The following SBNO1 variants were observed in gnomAD, a reference collection of about 807,000 sequenced individuals.
SBNO1 encodes strawberry notch homolog 1, also known as protein strawberry notch homolog 1.
In SBNO1, 23 loss-of-function variants were observed where a neutral mutation model predicts 173.6. That is an observed-to-expected ratio of 0.13 (90% CI 0.10 to 0.19). The LOEUF (loss-of-function observed/expected upper bound fraction) is 0.19, where lower values mean the gene tolerates loss of function less well. SBNO1 is among the 10% of genes least tolerant of loss of function. The pLI is 1.00. For synonymous variants in SBNO1, 632 were observed against 571.5 expected (o/e 1.11, Z -1.51); for missense variants, 1,238 against 1,671.2 (o/e 0.74, Z 4.52).
rs760653627 is a variant in SBNO1, at chr12:123,314,906, AT to A, written c.3120+466del. On this transcript the variant is annotated intron_variant, in intron 23 of 31. Coordinates refer to ENST00000602398, the MANE Select transcript of SBNO1 (RefSeq NM_001167856.3). Reference sequence around the variant, plus strand: ...CAACTGATCCCGGCCTAATTTTTGTATTTTTTTTTTTTTTTTAGTACAGATG... The same window carrying A: ...CAACTGATCCCGGCCTAATTTTTGTATTTTTTTTTTTTTTTAGTACAGATG... 7.3e-3 allele frequency among the ~76,000 whole-genome samples: 942 copies of A among 129,106 alleles called. 3 individuals are homozygous for A. The highest frequency in any genetic ancestry group is 0.014 in the Middle Eastern group (3 of 222). 84.7% of individuals were successfully genotyped at this position (129,106 alleles called of 152,430 possible).
rs995141255 is a variant in SBNO1, at chr12:123,299,690, A to AAAAC, written c.3846-1520_3846-1519insGTTT. ...AGCAAGACTCTGTCTTCAAAAAAAAAAAAAAAAAACAAAAAAGCCAAGTGT... is the reference window on the plus strand; with the variant it reads ...AGCAAGACTCTGTCTTCAAAAAAAAAAAACAAAAAAAAACAAAAAAGCCAAGTGT... On this transcript the variant is annotated intron_variant, in intron 30 of 31. Coordinates refer to ENST00000602398, the MANE Select transcript of SBNO1 (RefSeq NM_001167856.3). Among the ~76,000 whole-genome samples the AAAAC allele has an allele frequency of 1.2e-4, 18 of 151,152 alleles. 1 individual carries two copies. The highest frequency in any genetic ancestry group is 3.4e-3 in the Middle Eastern group (1 of 294).
At chr12:123,357,309 G>A (rs1252062966) in intron 1 of SBNO1, among the ~76,000 whole-genome samples, 2 of 152,002 alleles carry the variant, frequency 1.3e-5, no homozygotes, top group East Asian at 1.9e-4. Flanking sequence ...AAAATTAGCC[G>A]GGCATGGTGG....
chr12:123,354,826 C>A (rs913839009), intron 1 of SBNO1, among the ~76,000 whole-genome samples: 8 of 151,852 alleles, frequency 5.3e-5, no homozygotes, highest in East Asian at 3.9e-4. Flanking sequence ...TCTGACAAAC[C>A]CAAGTTACTA....
At chr12:123,360,246 C>CA (rs56346382) in intron 1 of SBNO1, among the ~76,000 whole-genome samples, 114 of 140,810 alleles carry the variant, frequency 8.1e-4, no homozygotes, top group African/African-American at 1.9e-3. Context: ...AACACCATCT[C>CA]AAAAAAAAAA....
At chr12:123,342,459 A>G (rs1345764209) in intron 4 of SBNO1, among the ~76,000 whole-genome samples, 1 of 152,240 alleles carries the variant, frequency 6.6e-6, no homozygotes, top group African/African-American at 2.4e-5. Context: ...AAAAGAAAAA[A>G]AACAAAAAAA....
intron 1 of SBNO1, among the ~76,000 whole-genome samples, chr12:123,351,776 G>A (rs1181047284): frequency 6.6e-6 from 1 of 152,162 alleles, no homozygotes; most frequent in Non-Finnish European, 1.5e-5. Flanking sequence ...GAGAAAGAAG[G>A]GGAAATGGAA....
rs1439411545 is a variant in SBNO1 at position 123,315,608 on chromosome 12, T to G, written c.2988A>C (p.Ile996=). The G allele has an allele frequency of 6.2e-7, 1 of 1,614,058 alleles. No homozygotes were observed. ...QVTAPEYVFL[I]SELAGEQRFA... ...ATCTTTGTTCTCCTGCCAGTTCAGA[T>G]ATCAGAAAGACATACTCAGGAGCAG... Residue 996 remains isoleucine, a synonymous_variant, in exon 22 of 32, where the codon ATA becomes ATC. Transcript: ENST00000602398.
intron 1 of SBNO1, among the ~76,000 whole-genome samples, chr12:123,351,189 G>A (rs1873831241): frequency 6.6e-6 from 1 of 152,188 alleles, no homozygotes; most frequent in South Asian, 2.1e-4. Context: ...GCTCAGAACA[G>A]AAGTATGGGG....
chr12:123,311,434 C>G (rs759862093), intron 24 of SBNO1, among the ~76,000 whole-genome samples: 1 of 151,594 alleles, frequency 6.6e-6, no homozygotes, highest in African/African-American at 2.4e-5. Flanking sequence ...GAGCGCAGTG[C>G]GCGATCTCAG....
chr12:123,304,667 T>C lies in SBNO1; in HGVS notation c.3683A>G (p.Lys1228Arg). 1 of 1,564,148 alleles carries C rather than the reference T, an allele frequency of 6.4e-7. No individual in the cohort carries two copies. Among genetic ancestry groups the C allele is most frequent in the Non-Finnish European group, 8.8e-7 (1 of 1,136,776 alleles). The change falls in exon 29 of 32, where the codon AAG becomes AGG. Residue 1228 changes from lysine to arginine, a missense_variant. Physicochemically the swap from Lys to Arg is conservative, Grantham distance 26. Around this residue, in one of 14 missense-constraint regions of SBNO1, gnomAD observed 351 missense variants for 420.3 expected, o/e 0.84. Coordinates refer to ENST00000602398, the MANE Select transcript of SBNO1 (RefSeq NM_001167856.3). ...TGGTCGATAAACTAAGAAAAGTTTC[T>C]TTTTAGGATTCACTTCTTTAACTAA... The part of the protein sequence containing the change: ...AILVKEVNPK[K>R]KLFLVYRPNT...
At position 123,331,244 on chromosome 12, in the gene SBNO1, C is replaced by T. The variant is rs528596555; in HGVS notation, c.1041G>A (p.Leu347=). The T allele has an allele frequency of 6.2e-7, 1 of 1,613,740 alleles. No homozygotes were observed. Among genetic ancestry groups the T allele is most frequent in the East Asian group, 2.2e-5 (1 of 44,848 alleles). The change falls in exon 8 of 32, where the codon TTG becomes TTA. Residue 347 remains leucine, a splice_region_variant and synonymous_variant. Transcript: ENST00000602398. ...ENYLLSRKRA[L]WFSVSNDLKY... ...ACAGCCAGTTTTTAAACACTTACCA[C>T]AATGCTCGTTTTCTACTCAACAAAT...
At chr12:123,356,470 C>T (rs538636756) in intron 1 of SBNO1, among the ~76,000 whole-genome samples, 42 of 152,284 alleles carry the variant, frequency 2.8e-4, no homozygotes, top group African/African-American at 7.9e-4. Flanking sequence ...GAGTCTTGTT[C>T]TGTCACCCAA....
rs1241969182 is a variant in SBNO1 at position 123,320,778 on chromosome 12, T to C, written c.2412A>G (p.Leu804=). The change falls in exon 18 of 32, where the codon TTA becomes TTG. Residue 804 remains leucine, a synonymous_variant. Transcript: ENST00000602398. ...SIDPDSIQSA[L]LASGLGSKRP... ...GTTTTGATCCAAGACCTGATGCTAA[T>C]AAGGCACTTTGAATAGAATCTGGAT... 6.2e-7 allele frequency: 1 copy of C among 1,611,100 alleles called. No individual in the cohort carries two copies. Among genetic ancestry groups the C allele is most frequent in the South Asian group, 1.1e-5 (1 of 90,474 alleles).
At chr12:123,326,118 C>CG in intron 14 of SBNO1, 34 bp downstream of exon 14, 1 of 1,514,668 alleles carries the variant, frequency 6.6e-7, no homozygotes, top group Non-Finnish European at 9.0e-7. Context: ...CAACATAACC[C>CG]CCAAACAATC....
chr12:123,313,485 G>C, intron 24 of SBNO1, 135 bp downstream of exon 24: 2 of 555,108 alleles, frequency 3.6e-6, no homozygotes, highest in South Asian at 2.6e-5. Flanking sequence ...ATGTGTCCTA[G>C]TAACCATTAA....
chr12:123,363,158 G>GAA (rs1181224067), intron 1 of SBNO1, among the ~76,000 whole-genome samples: 3 of 152,048 alleles, frequency 2.0e-5, no homozygotes, highest in African/African-American at 4.8e-5. Flanking sequence ...ATAAAAAGCA[G>GAA]AAGCCAGAGA....
intron 28 of SBNO1, among the ~76,000 whole-genome samples, chr12:123,305,801 T>C (rs772593380): frequency 1.3e-5 from 2 of 152,236 alleles, no homozygotes; most frequent in South Asian, 4.2e-4. Flanking sequence ...GTTGGATTTA[T>C]GAGAAAAACT....
chr12:123,348,829 G>A (rs1304448076), intron 2 of SBNO1, among the ~76,000 whole-genome samples: 9 of 151,736 alleles, frequency 5.9e-5, no homozygotes, highest in South Asian at 2.1e-4. Flanking sequence ...GCTTGGCGGC[G>A]GCCCCCTGTA....
intron 1 of SBNO1, among the ~76,000 whole-genome samples, chr12:123,356,467 G>C (rs571262757): frequency 6.6e-6 from 1 of 152,272 alleles, no homozygotes; most frequent in East Asian, 1.9e-4. Flanking sequence ...ATGGAGTCTT[G>C]TTCTGTCACC....
Sources: allele counts gnomAD v4.1 joint callset (sites outside exome capture counted in the v4.1 genomes callset), GRCh38; gene constraint gnomAD v4.1.1; regional missense constraint gnomAD v4.1.1; transcripts MANE v1.5; gene names NCBI Gene and HGNC (gene_info 2026-07-23, HGNC 2026-07-21).